Variants in GRIN2B observed in about 807,000 individuals in gnomAD.
GRIN2B encodes glutamate ionotropic receptor NMDA type subunit 2B.
A neutral mutation model predicts 114.5 loss-of-function variants in GRIN2B; 5 were observed. The ratio of observed to expected loss-of-function variants is 0.04; its 90% CI spans 0.02 to 0.09. The LOEUF (loss-of-function observed/expected upper bound fraction) is 0.09, where lower values mean the gene tolerates loss of function less well. GRIN2B is among the 10% of genes least tolerant of loss of function. The pLI is 1.00. For synonymous variants in GRIN2B, 787 were observed against 745.1 expected (o/e 1.06, Z -0.92); for missense variants, 1,108 against 1,943.5 (o/e 0.57, Z 8.08).
At chr12:13,749,129 A>C (rs1393919443) in intron 4 of GRIN2B, among the ~76,000 whole-genome samples, 4 of 152,252 alleles carry the variant, frequency 2.6e-5, no homozygotes. Context: ...AGTGAATTGA[A>C]ATAGTGCATT....
chr12:13,921,887 G>C (rs927380773), intron 2 of GRIN2B, among the ~76,000 whole-genome samples: 4 of 152,128 alleles, frequency 2.6e-5, no homozygotes, highest in Non-Finnish European at 4.4e-5. Context: ...TGGATAGGCA[G>C]ATAAGTATGT....
intron 4 of GRIN2B, among the ~76,000 whole-genome samples, chr12:13,724,555 A>G (rs1227228405): frequency 1.3e-5 from 2 of 152,110 alleles, no homozygotes; most frequent in Non-Finnish European, 2.9e-5. Flanking sequence ...TGAAAAAGAG[A>G]TCAGAAGATT....
intron 3 of GRIN2B, among the ~76,000 whole-genome samples, chr12:13,810,135 C>T (rs1345937999): frequency 6.6e-6 from 1 of 152,060 alleles, no homozygotes; most frequent in Non-Finnish European, 1.5e-5. Context: ...GAAACCCCAC[C>T]ACCCCCCTCC....
At chr12:13,823,969 T>C (rs147224401) in intron 3 of GRIN2B, among the ~76,000 whole-genome samples, 22 of 152,312 alleles carry the variant, frequency 1.4e-4, no homozygotes, top group African/African-American at 4.6e-4. Context: ...ACCAACACAG[T>C]GTTACTGGGA....
In GRIN2B at chr12:13,615,684, AAAAC is replaced by A. The variant is rs762880877; in HGVS notation, c.1329-24_1329-21del. 35 of 1,607,970 alleles carry A rather than the reference AAAAC, an allele frequency of 2.2e-5. No individual in the cohort carries two copies. Among genetic ancestry groups the A allele is most frequent in the Non-Finnish European group, 2.9e-5 (34 of 1,174,598 alleles). Reference sequence around the variant, plus strand: ...TTATTCCTAGCCAATTAAAGAAACAAAAACAAACAAACAAAAAAGTCTTTGTACA... The same window carrying A: ...TTATTCCTAGCCAATTAAAGAAACAAAAACAAACAAAAAAGTCTTTGTACA... On this transcript the variant is annotated intron_variant, in intron 6 of 13. Transcript: ENST00000609686. The surrounding 1 kb of genome is among the most constrained non-coding windows in gnomAD (Gnocchi z 5.8).
intron 2 of GRIN2B, among the ~76,000 whole-genome samples, chr12:13,922,160 G>A (rs1866835051): frequency 1.3e-5 from 2 of 152,128 alleles, no homozygotes; most frequent in Admixed American, 1.3e-4. Flanking sequence ...TTTGAGTAGT[G>A]TAAAATATGC....
Position 13,587,137 on chromosome 12 carries a change from T to C in GRIN2B, c.2011-15173A>G, listed in dbSNP as rs374782057. 2.0e-5 allele frequency among the ~76,000 whole-genome samples: 3 copies of C among 152,212 alleles called. No homozygotes were observed. In the South Asian group the frequency reaches 6.2e-4, roughly 32 times the overall value. On this transcript the variant is annotated intron_variant, in intron 10 of 13. Coordinates refer to ENST00000609686, the MANE Select transcript of GRIN2B (RefSeq NM_000834.5). The stretch of plus-strand genomic sequence containing the variant: ...ATACAACATATAAATTCTATTAACA[T>C]ATAAAAAGATGGAAGGACAGAGAAG...
At chr12:13,609,274 A>G (rs1463703666) in intron 9 of GRIN2B, among the ~76,000 whole-genome samples, 1 of 152,250 alleles carries the variant, frequency 6.6e-6, no homozygotes, top group Non-Finnish European at 1.5e-5. Context: ...CAAAAACATC[A>G]GCAAGAACTG....
chr12:13,659,631 T>A (rs868199228), intron 5 of GRIN2B, among the ~76,000 whole-genome samples: 147 of 151,652 alleles, frequency 9.7e-4, no homozygotes, highest in African/African-American at 2.0e-3. Context: ...GACAATTTTT[T>A]TAAAAAAAAA....
At chr12:13,936,105 C>G (rs971935691) in intron 2 of GRIN2B, among the ~76,000 whole-genome samples, 1 of 152,090 alleles carries the variant, frequency 6.6e-6, no homozygotes, top group African/African-American at 2.4e-5. Flanking sequence ...CCCATGAGTC[C>G]AAGATGAGGT....
chr12:13,810,283 T>G (rs1275308742), intron 3 of GRIN2B, among the ~76,000 whole-genome samples: 1 of 151,972 alleles, frequency 6.6e-6, no homozygotes, highest in Non-Finnish European at 1.5e-5. Context: ...TGTCACGATC[T>G]TGGCTTACTG....
At chr12:13,728,699 C>T (rs1357232821) in intron 4 of GRIN2B, among the ~76,000 whole-genome samples, 3 of 152,162 alleles carry the variant, frequency 2.0e-5, no homozygotes, top group East Asian at 1.9e-4. Context: ...TGACTGTACA[C>T]ACAGCCAATG....
In GRIN2B at chr12:13,675,790, C is replaced by A. The variant is rs201952040; in HGVS notation, c.1080G>T (p.Pro360=). 1.2e-6 allele frequency: 2 copies of A among 1,611,750 alleles called. No individual in the cohort carries two copies. The highest frequency in any genetic ancestry group is 8.5e-7 in the Non-Finnish European group (1 of 1,178,210). Residue 360 remains proline (P), a synonymous_variant, in exon 5 of 14, where the codon CCG becomes CCT. Coordinates refer to ENST00000609686, the MANE Select transcript of GRIN2B (RefSeq NM_000834.5). ...SFSEDGYQMH[P]KLVIILLNKE... ...TGTTCAGAAGAATTATCACCAGTTT[C>A]GGGTGCATCTGGTAGCCATCTTCAC...
At chr12:13,873,281 C>G (rs1393771859) in intron 2 of GRIN2B, among the ~76,000 whole-genome samples, 1 of 152,180 alleles carries the variant, frequency 6.6e-6, no homozygotes, top group African/African-American at 2.4e-5. Flanking sequence ...GCAATACATG[C>G]ATTCATCAAC....
intron 2 of GRIN2B, among the ~76,000 whole-genome samples, chr12:13,918,994 AG>A (rs201373897): frequency 0.013 from 2,008 of 152,350 alleles, 22 homozygotes; most frequent in Middle Eastern, 0.027. Context: ...GTTCTCAAAA[AG>A]AAAAAAATAG....
At chr12:13,947,534 C>T (rs1867383137) in intron 2 of GRIN2B, among the ~76,000 whole-genome samples, 1 of 152,132 alleles carries the variant, frequency 6.6e-6, no homozygotes, top group African/African-American at 2.4e-5. Context: ...ATCACAAGCC[C>T]ATATACGTGG....
At chr12:13,600,950 C>A (rs1949149255) in intron 10 of GRIN2B, among the ~76,000 whole-genome samples, 1 of 152,172 alleles carries the variant, frequency 6.6e-6, no homozygotes, top group African/African-American at 2.4e-5. Flanking sequence ...CATGTCTCTG[C>A]AAAGCTTCAG....
chr12:13,854,706 C>A (rs1281669809), intron 3 of GRIN2B, among the ~76,000 whole-genome samples: 1 of 152,026 alleles, frequency 6.6e-6, no homozygotes, highest in African/African-American at 2.4e-5. Flanking sequence ...AGAGCATCAC[C>A]TTTGGAGAGA....
At chr12:13,869,125 T>C (rs1332868826) in intron 2 of GRIN2B, among the ~76,000 whole-genome samples, 5 of 152,216 alleles carry the variant, frequency 3.3e-5, no homozygotes, top group Non-Finnish European at 7.4e-5. Context: ...CAATATATGA[T>C]GATGTGTCCA....
Sources: gnomAD v4.1 joint callset for allele counts (sites outside exome capture counted in the v4.1 genomes callset) on GRCh38, gnomAD v4.1.1 for gene constraint, Gnocchi (gnomAD v3.1) non-coding constraint, MANE v1.5 for transcripts, NCBI Gene and HGNC (gene_info 2026-07-23, HGNC 2026-07-21) for gene names.